PLCB1: variants seen among roughly 807,000 people sequenced by gnomAD.
PLCB1 encodes phospholipase C beta 1.
Under a neutral mutation model 161.8 loss-of-function variants are expected in PLCB1, and 46 were observed. That is an observed-to-expected ratio of 0.28 (90% CI 0.22 to 0.36). The LOEUF (loss-of-function observed/expected upper bound fraction) is 0.36. Among genes scored for constraint, PLCB1 ranks in the 10% least tolerant of loss-of-function variants. The pLI is 1.00. For synonymous variants in PLCB1, 517 were observed against 503.7 expected, an observed-to-expected ratio of 1.03 and a Z score of -0.35; for missense variants, 1,016 against 1,472.5, an observed-to-expected ratio of 0.69 and a Z score of 5.07.
intron 10 of PLCB1, among the ~76,000 whole-genome samples, chr20:8,686,302 G>C (rs1990355868): frequency 6.6e-6 from 1 of 152,092 alleles, no homozygotes; most frequent in African/African-American, 2.4e-5. Context: ...TTTAAAATCT[G>C]AGCACATTAT....
At chr20:8,708,369 TTATAA>T (rs1978807517) in intron 11 of PLCB1, among the ~76,000 whole-genome samples, 1 of 152,156 alleles carries the variant, frequency 6.6e-6, no homozygotes, top group African/African-American at 2.4e-5. Context: ...TCCCAAATGT[TTATAA>T]TATGATTAGA....
intron 1 of PLCB1, among the ~76,000 whole-genome samples, chr20:8,150,042 C>T (rs982173314): frequency 6.6e-6 from 1 of 151,778 alleles, no homozygotes; most frequent in South Asian, 2.1e-4. Flanking sequence ...GAAAACATAC[C>T]TTAATCAATA....
intron 11 of PLCB1, among the ~76,000 whole-genome samples, chr20:8,700,405 C>T (rs1990672997): frequency 6.6e-6 from 1 of 152,270 alleles, no homozygotes; most frequent in Non-Finnish European, 1.5e-5. Flanking sequence ...TTCTTGGCCT[C>T]TGCCTGCCAT....
chr20:8,738,399 C>G (rs564413456), intron 20 of PLCB1, among the ~76,000 whole-genome samples: 173 of 152,222 alleles, frequency 1.1e-3, no homozygotes, highest in African/African-American at 3.9e-3. Context: ...GAGATGGTAT[C>G]TCATTGTGGT....
At chr20:8,463,146 A>AGTGTGT (rs11472638) in intron 3 of PLCB1, among the ~76,000 whole-genome samples, 5,836 of 144,714 alleles carry the variant, frequency 0.04, 193 homozygotes, top group African/African-American at 0.077. Context: ...AGTACAGAGC[A>AGTGTGT]GTGTGTGTGT....
At chr20:8,419,299 C>G (rs1461586422) in intron 3 of PLCB1, among the ~76,000 whole-genome samples, 1 of 152,176 alleles carries the variant, frequency 6.6e-6, no homozygotes, top group Non-Finnish European at 1.5e-5. Context: ...AGTCTTTTTA[C>G]TGACTCTGCT....
chr20:8,864,964 G>T (rs1392685487), intron 31 of PLCB1, among the ~76,000 whole-genome samples: 1 of 152,184 alleles, frequency 6.6e-6, no homozygotes, highest in East Asian at 1.9e-4. Flanking sequence ...GAGAAAGTAA[G>T]ATTTAGCAGA....
At chr20:8,739,157 A>C (rs1980738415) in intron 20 of PLCB1, 104 bp from the exon 21 acceptor site, 5 of 787,700 alleles carry the variant, frequency 6.3e-6, no homozygotes, top group South Asian at 4.4e-5. Flanking sequence ...TCTCAAAAAA[A>C]GAAAGAGAAA....
chr20:8,645,022 A>G (rs149894304), intron 4 of PLCB1, among the ~76,000 whole-genome samples: 8,464 of 152,228 alleles, frequency 0.056, 297 homozygotes, highest in Middle Eastern at 0.088. Context: ...CCTTACCCCC[A>G]ACCCTGTGCT....
chr20:8,878,287 C>T (rs1013999851), intron 31 of PLCB1, among the ~76,000 whole-genome samples: 2 of 152,170 alleles, frequency 1.3e-5, no homozygotes, highest in African/African-American at 4.8e-5. Flanking sequence ...TCCTTGGAAA[C>T]ACATGTGTTA....
intron 31 of PLCB1, among the ~76,000 whole-genome samples, chr20:8,794,360 A>G (rs1375613796): frequency 3.3e-5 from 5 of 152,246 alleles, no homozygotes; most frequent in Admixed American, 6.5e-5. Context: ...TTATAAAAGT[A>G]TTAATTTGGG....
chr20:8,709,320 T>C (rs1978866053), intron 12 of PLCB1, among the ~76,000 whole-genome samples: 1 of 152,212 alleles, frequency 6.6e-6, no homozygotes, highest in African/African-American at 2.4e-5. Flanking sequence ...TTATTTTGAC[T>C]TCACTGTTTT....
At chr20:8,401,006 A>G (rs118048174) in intron 3 of PLCB1, among the ~76,000 whole-genome samples, 285 of 152,338 alleles carry the variant, frequency 1.9e-3, no homozygotes, top group Admixed American at 3.1e-3. Flanking sequence ...CACTTCCACC[A>G]ACAACAATCA....
chr20:8,182,093 C>T (rs2051849823), intron 2 of PLCB1, among the ~76,000 whole-genome samples: 1 of 152,152 alleles, frequency 6.6e-6, no homozygotes, highest in African/African-American at 2.4e-5. Flanking sequence ...GGGGCAATAG[C>T]GTTCACAGGA....
At chr20:8,143,715 A>G (rs780335163) in intron 1 of PLCB1, among the ~76,000 whole-genome samples, 10 of 152,176 alleles carry the variant, frequency 6.6e-5, no homozygotes, top group Non-Finnish European at 1.0e-4. Flanking sequence ...AAGGAACACA[A>G]GATTTTGAAG....
chr20:8,410,583 A>G (rs1333575495), intron 3 of PLCB1, among the ~76,000 whole-genome samples: 2 of 152,150 alleles, frequency 1.3e-5, no homozygotes, highest in Non-Finnish European at 2.9e-5. Flanking sequence ...CATGAACCAC[A>G]CTTGACACGT....
chr20:8,488,797 G>A (rs1982832751), intron 3 of PLCB1, among the ~76,000 whole-genome samples: 1 of 152,066 alleles, frequency 6.6e-6, no homozygotes, highest in Admixed American at 6.6e-5. Flanking sequence ...ATTTTGTTTT[G>A]CTATTAAACA....
At chr20:8,302,215 T>G (rs1212723382) in intron 2 of PLCB1, among the ~76,000 whole-genome samples, 2 of 152,228 alleles carry the variant, frequency 1.3e-5, no homozygotes, top group Admixed American at 1.3e-4. Context: ...TTTGCAAGCT[T>G]TAACCTACTG....
At chr20:8,675,783 G>A (rs1990059379) in intron 9 of PLCB1, among the ~76,000 whole-genome samples, 1 of 152,144 alleles carries the variant, frequency 6.6e-6, no homozygotes, top group Non-Finnish European at 1.5e-5. Flanking sequence ...CATAATTTAG[G>A]TATCTGGCTA....
Sources: gnomAD v4.1 joint callset for allele counts (sites outside exome capture counted in the v4.1 genomes callset) on GRCh38, gnomAD v4.1.1 for gene constraint, MANE v1.5 for transcripts, NCBI Gene and HGNC (gene_info 2026-07-23, HGNC 2026-07-21) for gene names.